SLC9A9: variants seen among roughly 807,000 people sequenced by gnomAD.
SLC9A9 encodes sodium/hydrogen exchanger 9.
SLC9A9 carries 62 observed loss-of-function variants against 77.8 expected under a neutral mutation model. The ratio of observed to expected loss-of-function variants is 0.80; its 90% CI spans 0.65 to 0.98. The LOEUF (loss-of-function observed/expected upper bound fraction) is 0.98, where lower values mean the gene tolerates loss of function less well. SLC9A9 is among the 50% of genes least tolerant of loss of function. SLC9A9 has a pLI of 0.00. For missense variants in SLC9A9, 775 were observed against 774.9 expected (o/e 1.00, Z 0.00); for synonymous variants, 320 against 283.5 (o/e 1.13, Z -1.29).
rs150957013 is a variant in SLC9A9, at chr3:143,372,528, C to G, written c.1525-8965G>C. ...AAACCATAAAAAGTCTAGAAGATAACCTAGGAAAAACTCTTCTGGACACTG... is the reference window on the plus strand; with the variant it reads ...AAACCATAAAAAGTCTAGAAGATAAGCTAGGAAAAACTCTTCTGGACACTG... On this transcript the variant is annotated intron_variant, in intron 13 of 15. Transcript: ENST00000316549. Among the ~76,000 whole-genome samples, 826 of 152,024 alleles carry G rather than the reference C, an allele frequency of 5.4e-3. 4 individuals are homozygous for G. Among genetic ancestry groups the G allele is most frequent in the African/African-American group, 0.019 (788 of 41,504 alleles).
intron 4 of SLC9A9, among the ~76,000 whole-genome samples, chr3:143,765,419 C>T (rs1034851547): frequency 6.6e-6 from 1 of 152,104 alleles, no homozygotes; most frequent in Non-Finnish European, 1.5e-5. Flanking sequence ...AGATGGGGAC[C>T]ATTTCGAGTG....
chr3:143,780,700 C>T (rs1343989465), intron 4 of SLC9A9, among the ~76,000 whole-genome samples: 1 of 152,004 alleles, frequency 6.6e-6, no homozygotes, highest in African/African-American at 2.4e-5. Flanking sequence ...TGTCTAGTGT[C>T]TGCCTTCTAC....
intron 11 of SLC9A9, among the ~76,000 whole-genome samples, chr3:143,477,410 G>C (rs2035497836): frequency 7.7e-6 from 1 of 130,618 alleles, no homozygotes; most frequent in Non-Finnish European, 1.5e-5. Context: ...GAGAGTGTCT[G>C]ACTCAGGAGG....
chr3:143,309,976 T>C lies in SLC9A9; in HGVS notation c.1605-40996A>G, dbSNP rs187910085. On this transcript the variant is annotated intron_variant, in intron 14 of 15. Transcript: ENST00000316549. Reference sequence around the variant, plus strand: ...GCTCTGACTGGGCAATGGATCTGGCTCACTTTTTAAGTGATTTATTTTTTA... The same window carrying C: ...GCTCTGACTGGGCAATGGATCTGGCCCACTTTTTAAGTGATTTATTTTTTA... Among the ~76,000 whole-genome samples the C allele has an allele frequency of 2.1e-4, 32 of 152,382 alleles. No individual in the cohort carries two copies. In the East Asian group the frequency reaches 6.2e-3, roughly 29 times the overall value.
chr3:143,723,358 C>T (rs867489078), intron 4 of SLC9A9, among the ~76,000 whole-genome samples: 4 of 152,124 alleles, frequency 2.6e-5, no homozygotes, highest in South Asian at 2.1e-4. Flanking sequence ...CCTTAGAGGC[C>T]GGTTTTCCTG....
At chr3:143,324,097 G>A (rs944784324) in intron 14 of SLC9A9, among the ~76,000 whole-genome samples, 2 of 151,936 alleles carry the variant, frequency 1.3e-5, no homozygotes, top group Admixed American at 6.6e-5. Context: ...GCTGCTTTTC[G>A]CTATTATCAG....
chr3:143,387,196 A>G (rs963616036), intron 12 of SLC9A9, among the ~76,000 whole-genome samples: 1 of 152,140 alleles, frequency 6.6e-6, no homozygotes, highest in Non-Finnish European at 1.5e-5. Context: ...TAAGGCAACA[A>G]AGAAGGAAAA....
chr3:143,805,719 CT>C (rs2008692892), intron 2 of SLC9A9, among the ~76,000 whole-genome samples: 1 of 152,084 alleles, frequency 6.6e-6, no homozygotes, highest in Non-Finnish European at 1.5e-5. Context: ...CACTGAGCAC[CT>C]TGTGTACCCC....
At chr3:143,496,172 G>C (rs2035830773) in intron 9 of SLC9A9, among the ~76,000 whole-genome samples, 1 of 152,190 alleles carries the variant, frequency 6.6e-6, no homozygotes, top group African/African-American at 2.4e-5. Context: ...AACATGCTAT[G>C]ATGAGGGATG....
At chr3:143,789,576 A>G (rs528464594) in intron 4 of SLC9A9, among the ~76,000 whole-genome samples, 2 of 152,274 alleles carry the variant, frequency 1.3e-5, no homozygotes, top group South Asian at 2.1e-4. Context: ...TTTGGGTTCT[A>G]GACAAGTAAA....
At position 143,466,995 on chromosome 3, in the gene SLC9A9, C is replaced by T. The variant is rs773818176; in HGVS notation, c.1469+42G>A. ...AATACCAGAAATTGAACAGCGCAGCCATGCCTCATAATGATTTCCTTTGCT... is the reference window on the plus strand; with the variant it reads ...AATACCAGAAATTGAACAGCGCAGCTATGCCTCATAATGATTTCCTTTGCT... On this transcript the variant is annotated intron_variant, in intron 12 of 15. Coordinates refer to ENST00000316549, the MANE Select transcript of SLC9A9 (RefSeq NM_173653.4). The T allele has an allele frequency of 1.0e-5, 16 of 1,603,166 alleles. No homozygotes were observed. In the South Asian group the frequency reaches 1.8e-4, roughly 18 times the overall value.
chr3:143,719,340 T>A (rs1175268009), intron 4 of SLC9A9, among the ~76,000 whole-genome samples: 1 of 151,426 alleles, frequency 6.6e-6, no homozygotes, highest in Non-Finnish European at 1.5e-5. Context: ...AGAGGCCTGA[T>A]GATGAAATCA....
intron 8 of SLC9A9, among the ~76,000 whole-genome samples, chr3:143,569,458 C>T (rs576462387): frequency 2.0e-5 from 3 of 152,202 alleles, no homozygotes; most frequent in African/African-American, 7.2e-5. Flanking sequence ...AATCAAATCG[C>T]TACTATACCC....
intron 4 of SLC9A9, among the ~76,000 whole-genome samples, chr3:143,783,123 C>T (rs1315841956): frequency 6.6e-6 from 1 of 152,136 alleles, no homozygotes; most frequent in Admixed American, 6.5e-5. Context: ...AAGCGCATAT[C>T]CTCTGTTTAG....
intron 12 of SLC9A9, among the ~76,000 whole-genome samples, chr3:143,413,506 T>G (rs897901121): frequency 1.9e-4 from 29 of 152,234 alleles, no homozygotes; most frequent in Middle Eastern, 3.4e-3. Flanking sequence ...TGGGAGCCAC[T>G]GTACAAGAGT....
rs2032227183 is a variant in SLC9A9, at chr3:143,345,267, AG to A, written c.1604+18216del. ...CTAGAAATAGAAGACAAAGAAAAGA[AG>A]GGGGCCTTGGATAGAACCTTTATTA... On this transcript the variant is annotated intron_variant, in intron 14 of 15. Coordinates refer to ENST00000316549, the MANE Select transcript of SLC9A9 (RefSeq NM_173653.4). Among the ~76,000 whole-genome samples the A allele has an allele frequency of 2.6e-5, 4 of 152,354 alleles. No individual in the cohort carries two copies. In the South Asian group the frequency reaches 8.3e-4, roughly 32 times the overall value.
intron 12 of SLC9A9, among the ~76,000 whole-genome samples, chr3:143,441,679 A>G (rs140108264): frequency 2.0e-4 from 31 of 152,162 alleles, no homozygotes; most frequent in African/African-American, 7.0e-4. Context: ...GAAGTGATCA[A>G]TGTGTGCTCT....
intron 14 of SLC9A9, among the ~76,000 whole-genome samples, chr3:143,271,594 G>A (rs1484836142): frequency 1.3e-5 from 2 of 152,184 alleles, no homozygotes; most frequent in Non-Finnish European, 2.9e-5. Context: ...CAGTCATTTG[G>A]TGTAGCACCC....
At chr3:143,465,131 T>G (rs1343533306) in intron 12 of SLC9A9, among the ~76,000 whole-genome samples, 1 of 152,248 alleles carries the variant, frequency 6.6e-6, no homozygotes, top group Non-Finnish European at 1.5e-5. Flanking sequence ...TGGAGCCGGT[T>G]CCTGCTGGGG....
Sources: gnomAD v4.1 joint callset for allele counts (sites outside exome capture counted in the v4.1 genomes callset) on GRCh38, gnomAD v4.1.1 for gene constraint, MANE v1.5 for transcripts, NCBI Gene and HGNC (gene_info 2026-07-23, HGNC 2026-07-21) for gene names.